The following MYC variants were observed in gnomAD, a reference collection of about 807,000 sequenced individuals.
MYC encodes MYC proto-oncogene, bHLH transcription factor, also known as myc proto-oncogene protein.
Under a neutral mutation model 30.5 loss-of-function variants are expected in MYC, and 1 was observed. The observed-to-expected ratio is 0.03, with a 90% confidence interval of 0.01 to 0.16. MYC has a LOEUF of 0.16. Ranked by LOEUF, MYC falls within the 10% of genes least tolerant of loss-of-function variation. MYC has a pLI of 1.00. For synonymous variants in MYC, 267 were observed against 250.7 expected, an observed-to-expected ratio of 1.07 and a Z score of -0.62; for missense variants, 508 against 589.0, an observed-to-expected ratio of 0.86 and a Z score of 1.42.
rs769788275 is a variant in MYC at position 127,738,423 on chromosome 8, AGCT to A, written c.212_214del (p.Leu71del). The A allele has an allele frequency of 6.2e-7, 1 of 1,612,408 alleles. No individual in the cohort carries two copies. Among genetic ancestry groups the A allele is most frequent in the Non-Finnish European group, 8.5e-7 (1 of 1,179,092 alleles). ...AGCGAGGATATCTGGAAGAAATTCG[AGCT>A]GCTGCCCACCCCGCCCCTGTCCCCT... On this transcript the variant is annotated inframe_deletion, in exon 2 of 3. Coordinates refer to ENST00000621592, the MANE Select transcript of MYC (RefSeq NM_002467.6). This position sits in a 1 kb window ranked among gnomAD's most constrained non-coding sequence, Gnocchi z 7.6.
upstream of MYC, chr8:127,736,057 T>G (rs1813580621): frequency 7.4e-6 from 3 of 403,080 alleles, no homozygotes; most frequent in Non-Finnish European, 1.3e-5. Context: ...TGCGAGGGTC[T>G]GGACGGCTGA....
In MYC at chr8:127,740,386, T is replaced by C. The variant is rs1294043376; in HGVS notation, c.803-10T>C. The C allele has an allele frequency of 1.2e-6, 2 of 1,610,444 alleles. No individual in the cohort carries two copies. The highest frequency in any genetic ancestry group is 1.7e-6 in the Non-Finnish European group (2 of 1,177,510). On this transcript the variant is annotated splice_polypyrimidine_tract_variant and intron_variant, in intron 2 of 2. Coordinates refer to ENST00000621592, the MANE Select transcript of MYC (RefSeq NM_002467.6). ...TGCTAAAGGAGTGATTTCTATTTCCTTTCTTAAAGAGGAGGAACAAGAAGA... is the reference window on the plus strand; with the variant it reads ...TGCTAAAGGAGTGATTTCTATTTCCCTTCTTAAAGAGGAGGAACAAGAAGA...
In MYC at chr8:127,738,317, G is replaced by A. The variant is rs781313941; in HGVS notation, c.100G>A (p.Val34Met). Residue 34 changes from valine (V) to methionine (M), a missense_variant, in exon 2 of 3, where the codon GTG becomes ATG. By Grantham distance (21) the Val-to-Met change is conservative. Transcript: ENST00000621592. The surrounding 1 kb of genome is among the most constrained non-coding windows in gnomAD (Gnocchi z 7.6). ...GAACTATGACCTCGACTACGACTCGGTGCAGCCGTATTTCTACTGCGACGA... is the reference window on the plus strand; with the variant it reads ...GAACTATGACCTCGACTACGACTCGATGCAGCCGTATTTCTACTGCGACGA... 1 of 1,613,740 alleles carries A rather than the reference G, an allele frequency of 6.2e-7. No individual in the cohort carries two copies. The highest frequency in any genetic ancestry group is 8.5e-7 in the Non-Finnish European group (1 of 1,179,688).
rs1213746854 is a variant in MYC, at chr8:127,736,446, G to A, written c.-148G>A. On this transcript the variant is annotated 5_prime_UTR_variant, in exon 1 of 3. Transcript: ENST00000621592. ...CCACGAAACTTTGCCCATAGCAGCG[G>A]GCGGGCACTTTGCACTGGAACTTAC... 2 of 801,450 alleles carry A rather than the reference G, an allele frequency of 2.5e-6. No homozygotes were observed. The highest frequency in any genetic ancestry group is 2.6e-5 in the East Asian group (1 of 38,582). The allele number at this position is 801,450 out of a possible 1,614,324, so 49.6% of individuals were successfully genotyped here.
chr8:127,738,489 C>A lies in MYC; in HGVS notation c.272C>A (p.Ala91Glu), dbSNP rs148228388. 2.7e-5 allele frequency: 44 copies of A among 1,604,514 alleles called. No homozygotes were observed. Among genetic ancestry groups the A allele is most frequent in the Non-Finnish European group, 3.7e-5 (43 of 1,174,030 alleles). The change falls in exon 2 of 3, where the codon GCG (alanine) becomes GAG (glutamate). Residue 91 changes from alanine (A) to glutamate (E), a missense_variant. By Grantham distance (107) the Ala-to-Glu change is moderately radical. Around this residue, in one of 5 missense-constraint regions of MYC, gnomAD observed 364 missense variants for 381.1 expected, o/e 0.96. Transcript: ENST00000621592. This position sits in a 1 kb window ranked among gnomAD's most constrained non-coding sequence, Gnocchi z 7.6. Reference sequence around the variant, plus strand: ...GGGCTCTGCTCGCCCTCCTACGTTGCGGTCACACCCTTCTCCCTTCGGGGA... The same window carrying A: ...GGGCTCTGCTCGCCCTCCTACGTTGAGGTCACACCCTTCTCCCTTCGGGGA...
rs1198480500 is a variant in MYC at position 127,736,598 on chromosome 8, A to AT, written c.12dup (p.Arg5SerfsTer17). ...CTCCTTGCAGCTGCTTAGACGCTGGATTTTTTTCGGGTAGTGGAAAACCAG... is the reference window on the plus strand; with the variant it reads ...CTCCTTGCAGCTGCTTAGACGCTGGATTTTTTTTCGGGTAGTGGAAAACCAG... On this transcript the variant is annotated frameshift_variant, in exon 1 of 3. Coordinates refer to ENST00000621592, the MANE Select transcript of MYC (RefSeq NM_002467.6). LOFTEE classifies it high-confidence loss of function. 15 of 1,613,980 alleles carry AT rather than the reference A, an allele frequency of 9.3e-6. No homozygotes were observed. The highest frequency in any genetic ancestry group is 8.0e-5 in the African/African-American group (6 of 74,902).
In MYC at chr8:127,736,449, G is replaced by C. The variant is rs550000037; in HGVS notation, c.-145G>C. 1.2e-6 allele frequency: 1 copy of C among 822,426 alleles called. No homozygotes were observed. The highest frequency in any genetic ancestry group is 2.5e-5 in the Admixed American group (1 of 40,668). The allele number at this position is 822,426 out of a possible 1,614,324, so 50.9% of individuals were successfully genotyped here. ...CGAAACTTTGCCCATAGCAGCGGGC[G>C]GGCACTTTGCACTGGAACTTACAAC... On this transcript the variant is annotated 5_prime_UTR_variant, in exon 1 of 3. Transcript: ENST00000621592.
chr8:127,736,250 A>T lies in MYC; in HGVS notation c.-344A>T, dbSNP rs1813585375. On this transcript the variant is annotated 5_prime_UTR_variant, in exon 1 of 3. Coordinates refer to ENST00000621592, the MANE Select transcript of MYC (RefSeq NM_002467.6). ...TTATCTAACTCGCTGTAGTAATTCC[A>T]GCGAGAGGCAGAGGGAGCGAGCGGG... The T allele has an allele frequency of 1.9e-6, 1 of 532,582 alleles. No homozygotes were observed. Among genetic ancestry groups the T allele is most frequent in the Non-Finnish European group, 3.3e-6 (1 of 303,826 alleles). 33.0% of individuals were successfully genotyped at this position (532,582 alleles called of 1,614,324 possible).
intron 1 of MYC, 117 bp downstream of exon 1, chr8:127,736,740 C>T (rs1813598192): frequency 8.3e-7 from 1 of 1,211,568 alleles, no homozygotes; most frequent in Non-Finnish European, 1.2e-6. Context: ...TGACACTTTT[C>T]TCAGAGTAGT....
Position 127,741,837 on chromosome 8 carries a change from T to C in MYC, c.*879T>C, listed in dbSNP as rs1813717448. On this transcript the variant is annotated 3_prime_UTR_variant, in exon 3 of 3. Transcript: ENST00000621592. ...AAACCCAGGAATTCTGCCCAGTTGATGGGGACACGGTGGGAACCAGCTTCT... is the reference window on the plus strand; with the variant it reads ...AAACCCAGGAATTCTGCCCAGTTGACGGGGACACGGTGGGAACCAGCTTCT... Among the ~76,000 whole-genome samples the C allele has an allele frequency of 6.6e-6, 1 of 152,160 alleles. No individual in the cohort carries two copies. The highest frequency in any genetic ancestry group is 1.5e-5 in the Non-Finnish European group (1 of 68,032).
chr8:127,736,719 T>C (rs774938117), intron 1 of MYC, 96 bp downstream of exon 1: 12 of 1,359,516 alleles, frequency 8.8e-6, no homozygotes, highest in Non-Finnish European at 1.0e-5. Flanking sequence ...TTTCTCCCAT[T>C]CCTGCGCTAT....
Position 127,738,173 on chromosome 8 carries a change from G to T in MYC, c.31-75G>T. The T allele has an allele frequency of 6.7e-7, 1 of 1,500,232 alleles. No homozygotes were observed. Among genetic ancestry groups the T allele is most frequent in the Non-Finnish European group, 8.9e-7 (1 of 1,123,660 alleles). 92.9% of individuals were successfully genotyped at this position (1,500,232 alleles called of 1,614,324 possible). A position where few individuals can be genotyped will look rare whatever the true frequency, so the allele number is the denominator to read the frequency against. On this transcript the variant is annotated intron_variant, in intron 1 of 2. Transcript: ENST00000621592. The surrounding 1 kb of genome is among the most constrained non-coding windows in gnomAD (Gnocchi z 7.6). Reference sequence around the variant, plus strand: ...GAGGTTCGGGACTGTGGCGCGCACTGCGCGCTGCGCCAGGTTTCCGCACCA... The same window carrying T: ...GAGGTTCGGGACTGTGGCGCGCACTTCGCGCTGCGCCAGGTTTCCGCACCA...
chr8:127,742,762 TATTA>T lies in MYC; in HGVS notation c.*1809_*1812del, dbSNP rs1407659732. On this transcript the variant is annotated 3_prime_UTR_variant, in exon 3 of 3. Coordinates refer to ENST00000621592, the MANE Select transcript of MYC (RefSeq NM_002467.6). ...TTGAAAAGGTATTTTTGAACATGTGTATTAATTATAAGCCTCTGAAAACCTATGG... is the reference window on the plus strand; with the variant it reads ...TTGAAAAGGTATTTTTGAACATGTGTATTATAAGCCTCTGAAAACCTATGG... Among the ~76,000 whole-genome samples, 2 of 152,232 alleles carry T rather than the reference TATTA, an allele frequency of 1.3e-5. No individual in the cohort carries two copies. Among genetic ancestry groups the T allele is most frequent in the Non-Finnish European group, 2.9e-5 (2 of 68,042 alleles).
chr8:127,736,006 A>G, upstream of MYC: 2 of 398,460 alleles, frequency 5.0e-6, no homozygotes, highest in Non-Finnish European at 8.8e-6. Context: ...AAAAGAAAAA[A>G]GATCCTCTCT....
chr8:127,737,419 C>A (rs946769570), intron 1 of MYC, among the ~76,000 whole-genome samples: 10 of 152,156 alleles, frequency 6.6e-5, no homozygotes, highest in African/African-American at 2.4e-4. Context: ...GCCCGAGATG[C>A]GGAGGAACTG....
Position 127,738,729 on chromosome 8 carries a change from G to C in MYC, c.512G>C (p.Arg171Pro), listed in dbSNP as rs990645227. The C allele has an allele frequency of 6.2e-7, 1 of 1,613,708 alleles. No individual in the cohort carries two copies. The highest frequency in any genetic ancestry group is 1.1e-5 in the South Asian group (1 of 91,006). ...AAGCTGGCCTCCTACCAGGCTGCGC[G>C]CAAAGACAGCGGCAGCCCGAACCCC... The change falls in exon 2 of 3, where the codon CGC becomes CCC. Residue 171 changes from arginine to proline, a missense_variant. Physicochemically the swap from Arg to Pro is moderately radical, Grantham distance 103 (BLOSUM62 -2). Transcript: ENST00000621592. This position sits in a 1 kb window ranked among gnomAD's most constrained non-coding sequence, Gnocchi z 7.6.
upstream of MYC, chr8:127,735,683 G>A (rs1044294226): frequency 2.5e-6 from 1 of 398,882 alleles, no homozygotes; most frequent in African/African-American, 2.1e-5. Context: ...GCGTGGCGTG[G>A]CGGTGGGCGC....
Position 127,738,867 on chromosome 8 carries a change from G to A in MYC, c.650G>A (p.Ser217Asn), listed in dbSNP as rs922203242. Residue 217 changes from serine to asparagine, a missense_variant, in exon 2 of 3, where the codon AGC (serine) becomes AAC (asparagine). By Grantham distance (46) the Ser-to-Asn change is conservative. Coordinates refer to ENST00000621592, the MANE Select transcript of MYC (RefSeq NM_002467.6). This position sits in a 1 kb window ranked among gnomAD's most constrained non-coding sequence, Gnocchi z 7.6. ...GTCTTCCCCTACCCTCTCAACGACA[G>A]CAGCTCGCCCAAGTCCTGCGCCTCG... The A allele has an allele frequency of 5.0e-6, 8 of 1,612,406 alleles. No homozygotes were observed. The Admixed American group carries it at 1.0e-4, about 20-fold the overall frequency.
At chr8:127,735,597 C>T (rs1813567880), upstream of MYC, 1 of 399,048 alleles carries the variant, frequency 2.5e-6, no homozygotes, top group Non-Finnish European at 4.4e-6. Flanking sequence ...CTTCTTTCCT[C>T]CACTCTCCCT....
Sources: gnomAD v4.1 joint callset for allele counts (sites outside exome capture counted in the v4.1 genomes callset) on GRCh38, gnomAD v4.1.1 for gene constraint, gnomAD v4.1.1 regional missense constraint, Gnocchi (gnomAD v3.1) non-coding constraint, MANE v1.5 for transcripts, NCBI Gene and HGNC (gene_info 2026-07-23, HGNC 2026-07-21) for gene names.